Variants in ATOSA observed in about 807,000 individuals in gnomAD.
ATOSA encodes the protein atos homolog protein A.
the ATOSA span, among the ~76,000 whole-genome samples, chr15:52,703,182 A>G: frequency 4.6e-5 from 7 of 152,198 alleles, no homozygotes; most frequent in African/African-American, 1.2e-4. Flanking sequence ...TTTATATGCA[A>G]ATTTAGAAAC....
the ATOSA span, among the ~76,000 whole-genome samples, chr15:52,641,341 C>A: frequency 6.6e-6 from 1 of 152,164 alleles, no homozygotes; most frequent in Non-Finnish European, 1.5e-5. Context: ...GAATAGTAAC[C>A]AAGAGCCCCC....
At chr15:52,617,865 C>A in the ATOSA span, among the ~76,000 whole-genome samples, 2 of 151,130 alleles carry the variant, frequency 1.3e-5, no homozygotes, top group African/African-American at 2.4e-5. Context: ...GCCCATAATT[C>A]TTTTAAATCC....
At chr15:52,606,628 C>T in the ATOSA span, among the ~76,000 whole-genome samples, 1 of 152,068 alleles carries the variant, frequency 6.6e-6, no homozygotes, top group Non-Finnish European at 1.5e-5. Flanking sequence ...AAAAATATCA[C>T]GGCCAGATTT....
chr15:52,608,980 G>A, the ATOSA span: 2 of 1,612,150 alleles, frequency 1.2e-6, no homozygotes, highest in Non-Finnish European at 1.7e-6. Flanking sequence ...GTCAATAGTG[G>A]TGCAATTTGA....
the ATOSA span, among the ~76,000 whole-genome samples, chr15:52,645,967 T>G: frequency 3.9e-5 from 6 of 152,308 alleles, no homozygotes; most frequent in South Asian, 6.2e-4. Context: ...GCTGTTTTTT[T>G]CCCCCAGCTT....
At chr15:52,697,194 C>T in the ATOSA span, among the ~76,000 whole-genome samples, 2 of 152,298 alleles carry the variant, frequency 1.3e-5, no homozygotes, top group East Asian at 3.9e-4. Context: ...CCTTTCATTC[C>T]TCTGGGCATT....
chr15:52,591,710 T>G, the ATOSA span, among the ~76,000 whole-genome samples: 1 of 152,236 alleles, frequency 6.6e-6, no homozygotes, highest in African/African-American at 2.4e-5. Flanking sequence ...TATTCTGGTA[T>G]TAAACTTATC....
chr15:52,586,019 TA>T, the ATOSA span: 1 of 152,172 alleles, frequency 6.6e-6, no homozygotes, highest in Non-Finnish European at 1.5e-5. Flanking sequence ...GACATATAAT[TA>T]ACCACTAAAG....
At chr15:52,604,862 T>G in the ATOSA span, among the ~76,000 whole-genome samples, 1 of 152,172 alleles carries the variant, frequency 6.6e-6, no homozygotes, top group African/African-American at 2.4e-5. Context: ...CTTGATGGTT[T>G]TTGTTTTTTT....
chr15:52,637,293 G>C, the ATOSA span, among the ~76,000 whole-genome samples: 1,632 of 152,066 alleles, frequency 0.011, 25 homozygotes, highest in African/African-American at 0.038. Flanking sequence ...GTCAAGTTGG[G>C]GGGCAGGAGA....
the ATOSA span, among the ~76,000 whole-genome samples, chr15:52,705,440 C>A: frequency 1.3e-5 from 2 of 151,958 alleles, no homozygotes; most frequent in Non-Finnish European, 2.9e-5. Flanking sequence ...ACCAACATGG[C>A]ACATGTATAC....
chr15:52,681,172 G>GT, the ATOSA span, among the ~76,000 whole-genome samples: 1 of 152,140 alleles, frequency 6.6e-6, no homozygotes, highest in Non-Finnish European at 1.5e-5. Context: ...CTAACCTGAA[G>GT]TTTTTTTAAA....
chr15:52,705,275 T>A, the ATOSA span, among the ~76,000 whole-genome samples: 1 of 151,670 alleles, frequency 6.6e-6, no homozygotes, highest in Non-Finnish European at 1.5e-5. Flanking sequence ...AAACACCGCA[T>A]GTTCTCACTC....
the ATOSA span, among the ~76,000 whole-genome samples, chr15:52,665,277 G>T: frequency 2.0e-5 from 3 of 152,304 alleles, no homozygotes; most frequent in Non-Finnish European, 4.4e-5. Flanking sequence ...TGAAATTACG[G>T]GGGTGAGGGG....
At chr15:52,600,891 C>G in the ATOSA span, among the ~76,000 whole-genome samples, 3 of 151,566 alleles carry the variant, frequency 2.0e-5, no homozygotes, top group African/African-American at 7.3e-5. Flanking sequence ...ATTATGATGA[C>G]CACTATATAG....
the ATOSA span, among the ~76,000 whole-genome samples, chr15:52,665,670 A>C: frequency 6.6e-6 from 1 of 152,242 alleles, no homozygotes; most frequent in Non-Finnish European, 1.5e-5. Flanking sequence ...GAAATACACC[A>C]GGATTTAAGT....
At chr15:52,584,690 T>A in the ATOSA span, 1 of 1,470,718 alleles carries the variant, frequency 6.8e-7, no homozygotes, top group Non-Finnish European at 9.2e-7. Context: ...AAAAAAAAAC[T>A]AAAAATTTTA....
At chr15:52,617,607 T>C in the ATOSA span, among the ~76,000 whole-genome samples, 1 of 152,024 alleles carries the variant, frequency 6.6e-6, no homozygotes, top group Non-Finnish European at 1.5e-5. Context: ...AAATAACTCA[T>C]TTTTCAGAGA....
the ATOSA span, among the ~76,000 whole-genome samples, chr15:52,655,516 C>T: frequency 2.0e-5 from 3 of 152,102 alleles, no homozygotes; most frequent in East Asian, 3.8e-4. Context: ...TAGGGACCAT[C>T]GATGTGGGTT....
Sources: allele counts gnomAD v4.1 joint callset (sites outside exome capture counted in the v4.1 genomes callset), GRCh38; gene constraint gnomAD v4.1.1; transcripts MANE v1.5; gene names NCBI Gene and HGNC (gene_info 2026-07-23, HGNC 2026-07-21).